The following BAIAP3 variants were observed in gnomAD, a reference collection of about 807,000 sequenced individuals.
The protein encoded by BAIAP3 is BAI1-associated protein 3.
A neutral mutation model predicts 149.7 loss-of-function variants in BAIAP3; 180 were observed. That is an observed-to-expected ratio of 1.20 (90% CI 1.07 to 1.36). BAIAP3 has a LOEUF of 1.36. Among genes scored for constraint, BAIAP3 ranks in the 40% most tolerant of loss-of-function variants. The probability of loss-of-function intolerance (pLI) is 0.00; values close to 1 mark genes in which losing one functional copy is unlikely to be tolerated. For missense variants in BAIAP3, 1,767 were observed against 1,563.4 expected (o/e 1.13, Z -2.20); for synonymous variants, 845 against 670.7 (o/e 1.26, Z -4.02).
At position 1,347,970 on chromosome 16, in the gene BAIAP3, G is replaced by A. The variant is rs766392805; in HGVS notation, c.3102G>A (p.Gln1034=). The change falls in exon 32 of 34, where the codon CAG becomes CAA. Residue 1034 remains glutamine (Q), a synonymous_variant. Coordinates refer to ENST00000426824, the MANE Select transcript of BAIAP3 (RefSeq NM_001199097.2). ...LFPLVRSQRT[Q]VKTRTLHPVY... ...CACTGGTCCGCAGCCAGAGGACCCA[G>A]GTGAAGACCCGGACGCTGCACCCTG... 4 of 1,611,806 alleles carry A rather than the reference G, an allele frequency of 2.5e-6. No individual in the cohort carries two copies. The South Asian group carries it at 4.4e-5, about 18-fold the overall frequency.
At position 1,346,432 on chromosome 16, in the gene BAIAP3, C is replaced by T; in HGVS notation, c.2494-10C>T. On this transcript the variant is annotated splice_polypyrimidine_tract_variant and intron_variant, in intron 25 of 33. Coordinates refer to ENST00000426824, the MANE Select transcript of BAIAP3 (RefSeq NM_001199097.2). ...CCCCTGCCCGTGCTGAGCACTGCTC[C>T]TGCCCTCAGATGGTGGGCGACATCC... 6.2e-7 allele frequency: 1 copy of T among 1,612,338 alleles called. No individual in the cohort carries two copies. Among genetic ancestry groups the T allele is most frequent in the Non-Finnish European group, 8.5e-7 (1 of 1,179,680 alleles).
Position 1,349,244 on chromosome 16 carries a change from T to G in BAIAP3, c.*762T>G, listed in dbSNP as rs1030004916. 10 of 673,326 alleles carry G rather than the reference T, an allele frequency of 1.5e-5. No homozygotes were observed. Among genetic ancestry groups the G allele is most frequent in the Non-Finnish European group, 2.6e-5 (10 of 381,646 alleles). 41.7% of individuals were successfully genotyped at this position (673,326 alleles called of 1,614,324 possible). ...AAAAACAGACTCACAAGGGGCTTCT[T>G]GGCCTGCAGCTTCATTTGCGAGAGC... On this transcript the variant is annotated 3_prime_UTR_variant, in exon 34 of 34. Transcript: ENST00000426824.
chr16:1,346,055 G>A lies in BAIAP3; in HGVS notation c.2278G>A (p.Ala760Thr). ...RKKVDTQPGA[A>T]GEAVSEALCV... ...GAAGGTGGACACTCAGCCAGGGGCGGCCGGTGAAGCAGTGAGCGAGGCGGT... is the reference window on the plus strand; with the variant it reads ...GAAGGTGGACACTCAGCCAGGGGCGACCGGTGAAGCAGTGAGCGAGGCGGT... The change falls in exon 24 of 34, where the codon GCC becomes ACC. Residue 760 changes from alanine to threonine, a missense_variant. Physicochemically the swap from Ala to Thr is moderately conservative, Grantham distance 58. Coordinates refer to ENST00000426824, the MANE Select transcript of BAIAP3 (RefSeq NM_001199097.2). The A allele has an allele frequency of 1.2e-6, 2 of 1,611,520 alleles. No individual in the cohort carries two copies. Among genetic ancestry groups the A allele is most frequent in the Non-Finnish European group, 1.7e-6 (2 of 1,179,522 alleles).
intron 14 of BAIAP3, 79 bp from the exon 15 acceptor site, chr16:1,343,314 G>A (rs950008913): frequency 6.6e-7 from 1 of 1,526,320 alleles, no homozygotes; most frequent in Non-Finnish European, 8.8e-7. Flanking sequence ...GCAGAGAAAG[G>A]GGTAGTGCTG....
rs751046433 is a variant in BAIAP3, at chr16:1,339,500, A to C, written c.305A>C (p.Glu102Ala). The change falls in exon 5 of 34, where the codon GAG becomes GCG. Residue 102 changes from glutamate (E) to alanine (A), a missense_variant. Glu to Ala is a moderately radical substitution (Grantham distance 107). Coordinates refer to ENST00000426824, the MANE Select transcript of BAIAP3 (RefSeq NM_001199097.2). Reference sequence around the variant, plus strand: ...CCGCCCTTCCCCCACCTGCAGGTGGAGATGCTCTACGAGGAGGCCCTGTAC... The same window carrying C: ...CCGCCCTTCCCCCACCTGCAGGTGGCGATGCTCTACGAGGAGGCCCTGTAC... Reference protein sequence around the residue: ...GLRALAPEEVEMLYEEALYTV... With the variant: ...GLRALAPEEVAMLYEEALYTV... 1 of 1,607,532 alleles carries C rather than the reference A, an allele frequency of 6.2e-7. No homozygotes were observed. Among genetic ancestry groups the C allele is most frequent in the Non-Finnish European group, 8.5e-7 (1 of 1,175,844 alleles).
chr16:1,347,596 G>A lies in BAIAP3; in HGVS notation c.2875G>A (p.Glu959Lys), dbSNP rs200883615. The A allele has an allele frequency of 2.3e-5, 37 of 1,612,848 alleles. No individual in the cohort carries two copies. Among genetic ancestry groups the A allele is most frequent in the African/African-American group, 5.3e-5 (4 of 74,940 alleles). Reference sequence around the variant, plus strand: ...CAAATGTTCCACCCGCGAGTGCATCGAGCAGTTCTACCTGGACAAGCTCAA... The same window carrying A: ...CAAATGTTCCACCCGCGAGTGCATCAAGCAGTTCTACCTGGACAAGCTCAA... Reference protein sequence around the residue: ...LHKCSTRECIEQFYLDKLKQR... With the variant: ...LHKCSTRECIKQFYLDKLKQR... Residue 959 changes from glutamate to lysine, a missense_variant, in exon 30 of 34, where the codon GAG becomes AAG. By Grantham distance (56) the Glu-to-Lys change is moderately conservative. Coordinates refer to ENST00000426824, the MANE Select transcript of BAIAP3 (RefSeq NM_001199097.2).
chr16:1,343,167 G>C (rs1056909237), intron 14 of BAIAP3, 151 bp downstream of exon 14: 1 of 1,088,872 alleles, frequency 9.2e-7, no homozygotes, highest in African/African-American at 1.5e-5. Flanking sequence ...CTGATTGGGC[G>C]GGAAGGGAAG....
chr16:1,341,104 G>GC, intron 6 of BAIAP3, 25 bp from the exon 7 acceptor site: 1 of 1,610,196 alleles, frequency 6.2e-7, no homozygotes, highest in Middle Eastern at 1.7e-4. Flanking sequence ...GCCTCACCAG[G>GC]CCCCCCACGC....
intron 8 of BAIAP3, among the ~76,000 whole-genome samples, 158 bp downstream of exon 8, chr16:1,341,647 G>C (rs549602171): frequency 5.5e-4 from 84 of 152,242 alleles, no homozygotes; most frequent in Non-Finnish European, 9.4e-4. Flanking sequence ...GATGGGCGTT[G>C]TGCCACCGGG....
chr16:1,344,569 G>T (rs144501988), intron 18 of BAIAP3, 32 bp from the exon 19 acceptor site: 24 of 1,612,446 alleles, frequency 1.5e-5, no homozygotes, highest in Non-Finnish European at 2.0e-5. Context: ...ACGGGCAGCC[G>T]AGAGGTGGGT....
Position 1,340,222 on chromosome 16 carries a change from A to ACG in BAIAP3, c.408+620_408+621insGC, listed in dbSNP as rs1567161231. ...ACACAGGCTGCAGGTGCACACAGAC[A>ACG]CACACACAGGTTGCAGGTGCACACA... On this transcript the variant is annotated intron_variant, in intron 5 of 33. Coordinates refer to ENST00000426824, the MANE Select transcript of BAIAP3 (RefSeq NM_001199097.2). 2.7e-3 allele frequency among the ~76,000 whole-genome samples: 356 copies of ACG among 131,092 alleles called. 5 individuals carry two copies. The highest frequency in any genetic ancestry group is 3.5e-3 in the Non-Finnish European group (215 of 61,864). The allele number at this position is 131,092 out of a possible 152,430, so 86.0% of individuals were successfully genotyped here. A position where few individuals can be genotyped will look rare whatever the true frequency, so the allele number is the denominator to read the frequency against.
At chr16:1,340,350 G>A (rs1223473978) in intron 5 of BAIAP3, among the ~76,000 whole-genome samples, 12 of 90,844 alleles carry the variant, frequency 1.3e-4, no homozygotes, top group East Asian at 3.3e-4. Flanking sequence ...ACAGACACAC[G>A]CACACAGGCT....
chr16:1,346,612 C>A lies in BAIAP3; in HGVS notation c.2570C>A (p.Ala857Asp). Residue 857 changes from alanine to aspartate, a missense_variant, in exon 27 of 34, where the codon GCC (alanine) becomes GAC (aspartate). Physicochemically the swap from Ala to Asp is moderately radical, Grantham distance 126. Transcript: ENST00000426824. The part of the protein sequence containing the change: ...PDSIQNDEAV[A>D]PLMKYLDEKL... ...GACCACCCCTGCCCGCAGGCCGTGG[C>A]CCCGCTCATGAAGTACCTGGATGAG... is the stretch of plus-strand genomic sequence containing the variant. The A allele has an allele frequency of 6.4e-7, 1 of 1,553,462 alleles. No homozygotes were observed. The highest frequency in any genetic ancestry group is 8.7e-7 in the Non-Finnish European group (1 of 1,149,666).
chr16:1,346,213 C>A lies in BAIAP3; in HGVS notation c.2345C>A (p.Ala782Asp). 6.2e-7 allele frequency: 1 copy of A among 1,612,310 alleles called. No individual in the cohort carries two copies. ...AATGTGGAGCTCGTGCGCAAGGCTG[C>A]TGGGCAGGCCTTGAAGGGCCTGGCA... The part of the protein sequence containing the change: ...LNNVELVRKA[A>D]GQALKGLAWP... Residue 782 changes from alanine (A) to aspartate (D), a missense_variant, in exon 25 of 34, where the codon GCT becomes GAT. Transcript: ENST00000426824.
chr16:1,336,481 C>T, intron 1 of BAIAP3: 1 of 807,222 alleles, frequency 1.2e-6, no homozygotes, highest in Non-Finnish European at 1.5e-6. Context: ...AGGGTCTGGT[C>T]CCGTAAGAGC....
In BAIAP3 at chr16:1,343,412, C is replaced by A. The variant is rs576394425; in HGVS notation, c.1285C>A (p.Arg429Ser). The A allele has an allele frequency of 1.1e-5, 18 of 1,569,594 alleles. No homozygotes were observed. In the African/African-American group the frequency reaches 2.0e-4, roughly 18 times the overall value. Reference protein sequence around the residue: ...LAVLHWQVSSRHHQTCTLDYS... With the variant: ...LAVLHWQVSSSHHQTCTLDYS... The stretch of plus-strand genomic sequence containing the variant: ...CCACAGGCACTGGCAGGTCAGCAGC[C>A]GCCACCATCAAACCTGCACGCTGGA... The change falls in exon 15 of 34, where the codon CGC (arginine) becomes AGC (serine). Residue 429 changes from arginine (R) to serine (S), a missense_variant. Physicochemically the swap from Arg to Ser is moderately radical, Grantham distance 110. Transcript: ENST00000426824.
intron 1 of BAIAP3, among the ~76,000 whole-genome samples, chr16:1,335,717 C>T (rs910299939): frequency 7.2e-5 from 11 of 152,184 alleles, no homozygotes; most frequent in East Asian, 5.8e-4. Flanking sequence ...CTTCTGTACA[C>T]CTGTGCCAAG....
At chr16:1,336,884 A>G (rs928875383) in intron 1 of BAIAP3, among the ~76,000 whole-genome samples, 1 of 152,192 alleles carries the variant, frequency 6.6e-6, no homozygotes, top group African/African-American at 2.4e-5. Context: ...ATGAGGGAGC[A>G]CTGGCAAGGG....
chr16:1,338,723 T>G (rs1567158480), intron 2 of BAIAP3, 43 bp downstream of exon 2: 1 of 1,560,230 alleles, frequency 6.4e-7, no homozygotes, highest in Admixed American at 1.9e-5. Flanking sequence ...ACAGGGCCAT[T>G]TCCCGCCAGA....
Sources: allele counts gnomAD v4.1 joint callset (sites outside exome capture counted in the v4.1 genomes callset), GRCh38; gene constraint gnomAD v4.1.1; transcripts MANE v1.5; gene names NCBI Gene and HGNC (gene_info 2026-07-23, HGNC 2026-07-21).